The following GSG1L variants were observed in gnomAD, a reference collection of about 807,000 sequenced individuals.
GSG1L encodes GSG1 like.
Under a neutral mutation model 42.1 loss-of-function variants are expected in GSG1L, and 24 were observed. The observed-to-expected ratio is 0.57, with a 90% CI of 0.41 to 0.80. The LOEUF is 0.80. Ranked by LOEUF, GSG1L falls within the 30% of genes least tolerant of loss-of-function variation. The pLI is 0.00. For synonymous variants in GSG1L, 215 were observed against 203.5 expected (o/e 1.06, Z -0.48); for missense variants, 445 against 472.2 (o/e 0.94, Z 0.53).
intron 4 of GSG1L, among the ~76,000 whole-genome samples, chr16:27,840,594 C>T (rs16977007): frequency 2.6e-5 from 4 of 152,156 alleles, no homozygotes; most frequent in African/African-American, 4.8e-5. Context: ...ACTAGCTCCT[C>T]GTGTTGGTTA....
chr16:28,053,018 G>C (rs1360525894), intron 1 of GSG1L, among the ~76,000 whole-genome samples: 1 of 152,238 alleles, frequency 6.6e-6, no homozygotes, highest in Non-Finnish European at 1.5e-5. Context: ...GCTGGCAGAG[G>C]GGGGCAGAGA....
At chr16:27,793,136 C>T (rs2082773998) in intron 6 of GSG1L, among the ~76,000 whole-genome samples, 2 of 152,230 alleles carry the variant, frequency 1.3e-5, no homozygotes, top group African/African-American at 4.8e-5. Context: ...ACTTGCATGC[C>T]TCTAAGGATG....
rs140892201 is a variant in GSG1L, at chr16:27,954,695, C to G, written c.397+8461G>C. ...TTGAGACAGGGTTTTGCCCTGTCAC[C>G]CAGGCTGGAGTGTGGTGGTACGATC... On this transcript the variant is annotated intron_variant, in intron 2 of 6. Coordinates refer to ENST00000447459, the MANE Select transcript of GSG1L (RefSeq NM_001109763.2). 9.0e-3 allele frequency among the ~76,000 whole-genome samples: 1,377 copies of G among 152,168 alleles called. 8 individuals are homozygous for G. The highest frequency in any genetic ancestry group is 0.013 in the Non-Finnish European group (862 of 67,998).
Position 28,063,028 on chromosome 16 carries a change from G to T in GSG1L, c.349+48C>A, listed in dbSNP as rs1278563239. 6.0e-6 allele frequency: 8 copies of T among 1,343,594 alleles called. No individual in the cohort carries two copies. The highest frequency in any genetic ancestry group is 7.7e-6 in the Non-Finnish European group (8 of 1,045,570). 83.2% of individuals were successfully genotyped at this position (1,343,594 alleles called of 1,614,324 possible). A position where few individuals can be genotyped will look rare whatever the true frequency, so the allele number is the denominator to read the frequency against. The stretch of plus-strand genomic sequence containing the variant: ...GGGCTCGGGCCTCGATGGCCGCGCC[G>T]CCCCGGGGGAGCCGGAGCCGAGCTG... On this transcript the variant is annotated intron_variant, in intron 1 of 6. Transcript: ENST00000447459. This position sits in a 1 kb window ranked among gnomAD's most constrained non-coding sequence, Gnocchi z 5.8.
intron 2 of GSG1L, among the ~76,000 whole-genome samples, chr16:27,896,529 CT>C (rs2084193998): frequency 6.6e-6 from 1 of 152,142 alleles, no homozygotes; most frequent in Admixed American, 6.5e-5. Flanking sequence ...TGTAACAAAC[CT>C]GCACATCCTG....
chr16:28,053,057 A>G (rs936896250), intron 1 of GSG1L, among the ~76,000 whole-genome samples: 8 of 152,158 alleles, frequency 5.3e-5, no homozygotes, highest in Admixed American at 4.6e-4. Context: ...AAGGGGCTGG[A>G]GGAGTGGGGC....
At chr16:27,930,627 A>G (rs1354857485) in intron 2 of GSG1L, among the ~76,000 whole-genome samples, 5 of 152,230 alleles carry the variant, frequency 3.3e-5, no homozygotes, top group Non-Finnish European at 7.3e-5. Context: ...GGTAAGTCCA[A>G]TTAGCATCTC....
chr16:27,816,905 G>A (rs1471310985), intron 5 of GSG1L, among the ~76,000 whole-genome samples: 1 of 152,218 alleles, frequency 6.6e-6, no homozygotes, highest in Admixed American at 6.5e-5. Context: ...TGGAAAGTGG[G>A]GCTGGGGACC....
intron 2 of GSG1L, among the ~76,000 whole-genome samples, chr16:27,908,073 C>T (rs1215643963): frequency 6.6e-6 from 1 of 152,238 alleles, no homozygotes; most frequent in African/African-American, 2.4e-5. Flanking sequence ...ACTTTGAGCT[C>T]AGCCATGGGA....
chr16:28,022,219 G>A (rs1462550604), intron 1 of GSG1L, among the ~76,000 whole-genome samples: 2 of 152,174 alleles, frequency 1.3e-5, no homozygotes, highest in East Asian at 3.8e-4. Context: ...GAGTTGCTGG[G>A]TGGTGGCAAT....
rs2084788876 is a variant in GSG1L, at chr16:27,941,151, C to G, written c.397+22005G>C. ...GGCATCAAAGGAAAAAATAGATAAA[C>G]TGAACAACATCAAAATTAAAACTTC... On this transcript the variant is annotated intron_variant, in intron 2 of 6. Transcript: ENST00000447459. 2.6e-5 allele frequency among the ~76,000 whole-genome samples: 4 copies of G among 152,120 alleles called. No individual in the cohort carries two copies. The South Asian group carries it at 8.3e-4, about 32-fold the overall frequency.
chr16:28,005,920 A>G (rs756989), intron 1 of GSG1L, among the ~76,000 whole-genome samples: 108,217 of 152,126 alleles, frequency 0.71, 38,803 homozygotes, highest in South Asian at 0.88. Context: ...GGGACTTTGC[A>G]GGTGTAATTA....
intron 1 of GSG1L, among the ~76,000 whole-genome samples, chr16:28,047,722 G>A (rs998532356): frequency 6.6e-6 from 1 of 152,084 alleles, no homozygotes; most frequent in African/African-American, 2.4e-5. Context: ...ATTTTATCTT[G>A]ACAAAAGATA....
rs9940743 is a variant in GSG1L, at chr16:27,883,915, C to T, written c.550+571G>A. 1.0e-2 allele frequency among the ~76,000 whole-genome samples: 1,516 copies of T among 152,298 alleles called. 12 individuals carry two copies. The highest frequency in any genetic ancestry group is 0.033 in the African/African-American group (1,381 of 41,546). ...CCATTCTTCCTGAAACCCTCAAAAT[C>T]GCTGGCTCTGTGGCCTTTTCCCACA... On this transcript the variant is annotated intron_variant, in intron 3 of 6. Coordinates refer to ENST00000447459, the MANE Select transcript of GSG1L (RefSeq NM_001109763.2).
At chr16:27,896,165 G>A (rs903145347) in intron 2 of GSG1L, among the ~76,000 whole-genome samples, 1 of 152,166 alleles carries the variant, frequency 6.6e-6, no homozygotes, top group Non-Finnish European at 1.5e-5. Flanking sequence ...TGCTGGAGGC[G>A]TGCGGGAAAT....
chr16:27,869,925 ATCTCTCTCTGTCTCTGTCTCCCTCCATC>A (rs1567496533), intron 3 of GSG1L, among the ~76,000 whole-genome samples: 11 of 28,650 alleles, frequency 3.8e-4, no homozygotes, highest in Admixed American at 1.0e-3. Context: ...GTCTCCCTCC[ATCTCTCTCTGTCTCTGTCTCCCTCCATC>A]TCTCTCTCTC....
intron 1 of GSG1L, among the ~76,000 whole-genome samples, chr16:28,028,002 C>A (rs2085918898): frequency 1.3e-5 from 2 of 152,176 alleles, no homozygotes; most frequent in Non-Finnish European, 2.9e-5. Context: ...ACACCTAAGG[C>A]CTCAGCAGCA....
intron 1 of GSG1L, among the ~76,000 whole-genome samples, chr16:28,060,444 A>G (rs2086328171): frequency 6.6e-6 from 1 of 152,158 alleles, no homozygotes; most frequent in Admixed American, 6.6e-5. Flanking sequence ...GCTCTCAGAG[A>G]GGAAAATTGT....
chr16:27,797,262 C>T (rs761666549), intron 6 of GSG1L, among the ~76,000 whole-genome samples: 1 of 152,156 alleles, frequency 6.6e-6, no homozygotes. Context: ...AGTGGCAGTG[C>T]CTGTGATCTC....
Sources: allele counts gnomAD v4.1 joint callset (sites outside exome capture counted in the v4.1 genomes callset), GRCh38; gene constraint gnomAD v4.1.1; non-coding constraint Gnocchi (gnomAD v3.1); transcripts MANE v1.5; gene names NCBI Gene and HGNC (gene_info 2026-07-23, HGNC 2026-07-21).